Variants in CNOT6 observed in about 807,000 individuals in gnomAD.
CNOT6 encodes the protein carbon catabolite repression 4 protein.
In CNOT6, 12 loss-of-function variants were observed where a neutral mutation model predicts 61.2. The ratio of observed to expected loss-of-function variants is 0.20; its 90% CI spans 0.13 to 0.32. The LOEUF is 0.32. CNOT6 is among the 10% of genes least tolerant of loss of function. The probability of loss-of-function intolerance (pLI) is 1.00; values close to 1 mark genes in which losing one functional copy is unlikely to be tolerated. For missense variants in CNOT6, 405 were observed against 663.9 expected (o/e 0.61, Z 4.28); for synonymous variants, 225 against 240.6 (o/e 0.94, Z 0.60).
chr5:180,549,054 A>G (rs1319880393), intron 2 of CNOT6, among the ~76,000 whole-genome samples: 2 of 150,066 alleles, frequency 1.3e-5, no homozygotes, highest in Non-Finnish European at 2.9e-5. Context: ...CTGACTTACT[A>G]TCTGAAGCGT....
chr5:180,504,722 C>T (rs1013107708), intron 1 of CNOT6, among the ~76,000 whole-genome samples: 2 of 152,268 alleles, frequency 1.3e-5, no homozygotes, highest in South Asian at 2.1e-4. Context: ...TAATACCTTA[C>T]ATTAGTGGGC....
chr5:180,526,112 T>C (rs1758091624), intron 1 of CNOT6, among the ~76,000 whole-genome samples: 2 of 152,144 alleles, frequency 1.3e-5, no homozygotes, highest in African/African-American at 4.8e-5. Context: ...GGGTTTCTTC[T>C]TGATAGTTTT....
At chr5:180,507,262 T>G (rs1757169366) in intron 1 of CNOT6, among the ~76,000 whole-genome samples, 1 of 152,182 alleles carries the variant, frequency 6.6e-6, no homozygotes, top group Non-Finnish European at 1.5e-5. Flanking sequence ...GTTTTGTAAA[T>G]GAGCCTGGGT....
intron 11 of CNOT6, 106 bp downstream of exon 11, chr5:180,571,538 A>T: frequency 2.5e-6 from 2 of 808,738 alleles, no homozygotes; most frequent in Non-Finnish European, 4.1e-6. Flanking sequence ...GGCTGGAATG[A>T]AGCAGTCTTG....
chr5:180,545,005 T>C (rs1411974474), intron 2 of CNOT6, among the ~76,000 whole-genome samples: 1 of 152,250 alleles, frequency 6.6e-6, no homozygotes, highest in East Asian at 1.9e-4. Context: ...CTTATTCATA[T>C]TGAATATCAG....
chr5:180,524,960 A>AT (rs2127716724), intron 1 of CNOT6, among the ~76,000 whole-genome samples: 1 of 152,288 alleles, frequency 6.6e-6, no homozygotes, highest in African/African-American at 2.4e-5. Context: ...AGAACAGAGC[A>AT]TTTTATATTT....
intron 5 of CNOT6, 22 bp downstream of exon 5, chr5:180,564,615 C>G (rs769458928): frequency 3.2e-5 from 51 of 1,609,480 alleles, no homozygotes; most frequent in Non-Finnish European, 4.3e-5. Flanking sequence ...TTTGTTTAAA[C>G]CTTTTTATTA....
intron 2 of CNOT6, among the ~76,000 whole-genome samples, chr5:180,529,898 T>C (rs1029050196): frequency 2.0e-5 from 3 of 152,214 alleles, no homozygotes; most frequent in African/African-American, 7.2e-5. Flanking sequence ...TCTTAAGAGT[T>C]TGAAGAAGAT....
In CNOT6 at chr5:180,570,777, G is replaced by A. The variant is rs111707628; in HGVS notation, c.1259-453G>A. Reference sequence around the variant, plus strand: ...GACGTTTGGCCTGTAACTAGCTGGTGGTATTCTCTTCCATAGTTGGCAGCA... The same window carrying A: ...GACGTTTGGCCTGTAACTAGCTGGTAGTATTCTCTTCCATAGTTGGCAGCA... On this transcript the variant is annotated intron_variant, in intron 10 of 11. Coordinates refer to ENST00000261951, the MANE Select transcript of CNOT6 (RefSeq NM_001370472.1). 7.9e-3 allele frequency among the ~76,000 whole-genome samples: 1,200 copies of A among 152,262 alleles called. 15 individuals carry two copies. The highest frequency in any genetic ancestry group is 0.027 in the African/African-American group (1,137 of 41,548).
chr5:180,519,833 CTTT>C (rs35658678), intron 1 of CNOT6, among the ~76,000 whole-genome samples: 6 of 135,260 alleles, frequency 4.4e-5, no homozygotes, highest in Non-Finnish European at 6.3e-5. Context: ...TATCCATTTG[CTTT>C]TTTTTTTTTT....
At chr5:180,543,215 C>T (rs533989453) in intron 2 of CNOT6, among the ~76,000 whole-genome samples, 22 of 152,228 alleles carry the variant, frequency 1.4e-4, no homozygotes, top group Admixed American at 2.6e-4. Context: ...CCTACCAGCA[C>T]TCCTGGCTAA....
At chr5:180,545,257 A>G (rs1256949347) in intron 2 of CNOT6, among the ~76,000 whole-genome samples, 2 of 152,222 alleles carry the variant, frequency 1.3e-5, no homozygotes, top group Non-Finnish European at 2.9e-5. Flanking sequence ...ACAATCAAGA[A>G]TGATCATATT....
chr5:180,560,919 T>G (rs11956007), intron 4 of CNOT6, among the ~76,000 whole-genome samples: 23,380 of 150,682 alleles, frequency 0.16, 1,884 homozygotes, highest in African/African-American at 0.2. Flanking sequence ...TTTGTTGTTG[T>G]TGGTGGTGGT....
At chr5:180,548,099 T>C (rs764514130) in intron 2 of CNOT6, among the ~76,000 whole-genome samples, 14 of 152,208 alleles carry the variant, frequency 9.2e-5, no homozygotes, top group Non-Finnish European at 1.3e-4. Context: ...TCTGCTGTTT[T>C]TTCTTGTGTA....
intron 3 of CNOT6, among the ~76,000 whole-genome samples, chr5:180,552,812 AATC>A (rs1337168718): frequency 6.7e-6 from 1 of 149,066 alleles, no homozygotes; most frequent in Non-Finnish European, 1.5e-5. Context: ...TATTAAGAAT[AATC>A]ATGAACAGTT....
chr5:180,529,396 A>G lies in CNOT6; in HGVS notation c.112+8A>G, dbSNP rs1758248309. The G allele has an allele frequency of 1.3e-6, 2 of 1,523,128 alleles. No homozygotes were observed. The highest frequency in any genetic ancestry group is 1.8e-6 in the Non-Finnish European group (2 of 1,099,044). 94.4% of individuals were successfully genotyped at this position (1,523,128 alleles called of 1,614,324 possible). A position where few individuals can be genotyped will look rare whatever the true frequency, so the allele number is the denominator to read the frequency against. On this transcript the variant is annotated splice_region_variant and intron_variant, in intron 2 of 11. Transcript: ENST00000261951. ...CAGAGCTTGAAATAAGTGGTAAGAC[A>G]TGGAAGCATGAATTTATGGTATGGA...
intron 4 of CNOT6, 110 bp downstream of exon 4, chr5:180,553,581 G>C (rs1343250744): frequency 4.1e-6 from 3 of 727,820 alleles, no homozygotes; most frequent in Middle Eastern, 2.5e-4. Flanking sequence ...TTTTCCCCCA[G>C]ACTTCATCAG....
At chr5:180,555,010 CTT>C (rs34968726) in intron 4 of CNOT6, among the ~76,000 whole-genome samples, 11 of 140,382 alleles carry the variant, frequency 7.8e-5, no homozygotes, top group Admixed American at 2.2e-4. Flanking sequence ...CACAAATTTG[CTT>C]TTTTTTTTTT....
chr5:180,567,263 A>G, intron 8 of CNOT6, 21 bp downstream of exon 8: 1 of 1,592,268 alleles, frequency 6.3e-7, no homozygotes, highest in Non-Finnish European at 8.5e-7. Flanking sequence ...TTATTTTTTA[A>G]AAAGAACGTT....
Sources: allele counts gnomAD v4.1 joint callset (sites outside exome capture counted in the v4.1 genomes callset), GRCh38; gene constraint gnomAD v4.1.1; transcripts MANE v1.5; gene names NCBI Gene and HGNC (gene_info 2026-07-23, HGNC 2026-07-21).